CTNNA3: variants seen among roughly 807,000 people sequenced by gnomAD.
CTNNA3 encodes the protein catenin alpha-3.
In CTNNA3, 76 loss-of-function variants were observed where a neutral mutation model predicts 95.7. The observed-to-expected ratio is 0.79, with a 90% CI of 0.66 to 0.96. The LOEUF is 0.96. Among genes scored for constraint, CTNNA3 ranks in the 40% least tolerant of loss-of-function variants. CTNNA3 has a pLI of 0.00. For synonymous variants in CTNNA3, 431 were observed against 374.4 expected (o/e 1.15, Z -1.74); for missense variants, 1,191 against 1,089.8 (o/e 1.09, Z -1.31).
At chr10:67,161,447 T>C (rs1861545376) in intron 7 of CTNNA3, among the ~76,000 whole-genome samples, 1 of 151,734 alleles carries the variant, frequency 6.6e-6, no homozygotes, top group South Asian at 2.1e-4. Context: ...CTCAAACTGG[T>C]AAAATGTCAA....
intron 5 of CTNNA3, among the ~76,000 whole-genome samples, chr10:67,312,604 A>C (rs1035557474): frequency 6.6e-6 from 1 of 152,238 alleles, no homozygotes; most frequent in African/African-American, 2.4e-5. Context: ...AGGAGACTGG[A>C]CATGCACATA....
intron 9 of CTNNA3, among the ~76,000 whole-genome samples, chr10:66,627,894 T>C (rs1355544392): frequency 2.6e-5 from 4 of 152,180 alleles, no homozygotes; most frequent in Non-Finnish European, 5.9e-5. Context: ...GCTCATTCTG[T>C]TTGAAAACCA....
intron 1 of CTNNA3, among the ~76,000 whole-genome samples, chr10:67,728,350 G>A (rs1165554676): frequency 6.7e-6 from 1 of 149,194 alleles, no homozygotes; most frequent in Non-Finnish European, 1.5e-5. Context: ...CTACTTGTGA[G>A]GCTGCGGCAG....
At chr10:67,164,281 T>C (rs1342510147) in intron 7 of CTNNA3, among the ~76,000 whole-genome samples, 1 of 152,010 alleles carries the variant, frequency 6.6e-6, no homozygotes, top group Non-Finnish European at 1.5e-5. Context: ...CCCAATAAAA[T>C]AGAATCATGA....
intron 9 of CTNNA3, among the ~76,000 whole-genome samples, chr10:66,733,361 T>G (rs1261720940): frequency 1.3e-5 from 2 of 152,156 alleles, no homozygotes; most frequent in South Asian, 2.1e-4. Context: ...AGTGGAAGCA[T>G]ATTCCTTAAT....
intron 7 of CTNNA3, among the ~76,000 whole-genome samples, chr10:66,854,868 T>G (rs763758707): frequency 1.3e-5 from 2 of 151,736 alleles, no homozygotes; most frequent in East Asian, 1.9e-4. Flanking sequence ...CAGACAGATA[T>G]AAGTTAGAAT....
At chr10:67,334,285 G>A (rs1841904605) in intron 5 of CTNNA3, 3 of 153,046 alleles carry the variant, frequency 2.0e-5, no homozygotes, top group South Asian at 2.0e-4. Context: ...TTGTCAAAGG[G>A]CCCCACTGCA....
At chr10:67,340,669 T>G (rs1220509669) in intron 5 of CTNNA3, among the ~76,000 whole-genome samples, 1 of 152,186 alleles carries the variant, frequency 6.6e-6, no homozygotes, top group Non-Finnish European at 1.5e-5. Context: ...GGCACAACCG[T>G]TCAGATTCAC....
chr10:66,865,662 G>A (rs1223238481), intron 7 of CTNNA3, among the ~76,000 whole-genome samples: 1 of 151,886 alleles, frequency 6.6e-6, no homozygotes, highest in African/African-American at 2.4e-5. Context: ...CACAGAAGAT[G>A]TATTCACACA....
intron 11 of CTNNA3, among the ~76,000 whole-genome samples, chr10:66,447,150 A>C (rs571506244): frequency 6.6e-6 from 1 of 152,152 alleles, no homozygotes; most frequent in Admixed American, 6.5e-5. Flanking sequence ...GGAGAACTAC[A>C]AACCACTGCT....
chr10:67,256,155 C>T (rs1866340995), intron 5 of CTNNA3, among the ~76,000 whole-genome samples: 1 of 152,120 alleles, frequency 6.6e-6, no homozygotes, highest in African/African-American at 2.4e-5. Context: ...AGATTTAAGA[C>T]AATTAGCTAA....
chr10:67,535,906 T>C (rs1198195592), intron 4 of CTNNA3, among the ~76,000 whole-genome samples: 3 of 151,890 alleles, frequency 2.0e-5, no homozygotes, highest in Non-Finnish European at 4.4e-5. Context: ...TCAGAAGAGG[T>C]GATGTTCAGT....
chr10:66,003,286 T>C (rs1651088917), intron 15 of CTNNA3, among the ~76,000 whole-genome samples: 1 of 152,068 alleles, frequency 6.6e-6, no homozygotes, highest in Non-Finnish European at 1.5e-5. Context: ...AATACTTTAT[T>C]ACTATTGCCA....
chr10:66,964,740 A>G (rs1849306573), intron 7 of CTNNA3, among the ~76,000 whole-genome samples: 3 of 152,118 alleles, frequency 2.0e-5, no homozygotes. Context: ...CCCTCCCTAA[A>G]ACTGATAAGG....
At chr10:67,555,391 G>A (rs570698219) in intron 3 of CTNNA3, among the ~76,000 whole-genome samples, 14 of 152,292 alleles carry the variant, frequency 9.2e-5, no homozygotes, top group African/African-American at 3.4e-4. Flanking sequence ...CATGAGCATG[G>A]AATGTTCTTC....
At chr10:66,415,328 CA>C (rs34074288) in intron 11 of CTNNA3, among the ~76,000 whole-genome samples, 34,553 of 151,888 alleles carry the variant, frequency 0.23, 4,173 homozygotes, top group South Asian at 0.3. Flanking sequence ...CCTACCCACA[CA>C]GCAGCTACTA....
chr10:67,682,091 GA>G (rs1424315181), intron 1 of CTNNA3, among the ~76,000 whole-genome samples: 1 of 151,348 alleles, frequency 6.6e-6, no homozygotes, highest in Admixed American at 6.6e-5. Flanking sequence ...CCAGGAGGCA[GA>G]GGTTGCAGTG....
At chr10:67,557,310 A>G (rs925761146) in intron 3 of CTNNA3, among the ~76,000 whole-genome samples, 2 of 152,246 alleles carry the variant, frequency 1.3e-5, no homozygotes, top group African/African-American at 4.8e-5. Flanking sequence ...TAAACCATAC[A>G]TAGTAGAACC....
At chr10:67,044,757 G>T (rs1854620101) in intron 7 of CTNNA3, among the ~76,000 whole-genome samples, 1 of 152,090 alleles carries the variant, frequency 6.6e-6, no homozygotes, top group Non-Finnish European at 1.5e-5. Context: ...ATTTTGCTCA[G>T]CAAAAAGCAT....
Sources: allele counts gnomAD v4.1 joint callset (sites outside exome capture counted in the v4.1 genomes callset), GRCh38; gene constraint gnomAD v4.1.1; transcripts MANE v1.5; gene names NCBI Gene and HGNC (gene_info 2026-07-23, HGNC 2026-07-21).